Variants in PPARGC1A observed in about 807,000 individuals in gnomAD.
The protein encoded by PPARGC1A is peroxisome proliferator-activated receptor gamma coactivator 1-alpha.
In PPARGC1A, 25 loss-of-function variants were observed where a neutral mutation model predicts 88.7. That is an observed-to-expected ratio of 0.28 (90% CI 0.21 to 0.39). The LOEUF is 0.39. PPARGC1A is among the 10% of genes least tolerant of loss of function. The pLI, the probability that PPARGC1A is intolerant of heterozygous loss-of-function variation, is 1.00. For missense variants in PPARGC1A, 880 were observed against 968.7 expected (o/e 0.91, Z 1.22); for synonymous variants, 363 against 355.6 (o/e 1.02, Z -0.24).
the PPARGC1A span, among the ~76,000 whole-genome samples, chr4:24,413,611 T>TG: frequency 8.5e-5 from 13 of 152,172 alleles, no homozygotes; most frequent in East Asian, 3.9e-4. Context: ...CAGATCCTTG[T>TG]GGGGGGGTAG....
chr4:23,929,754 C>T, the PPARGC1A span, among the ~76,000 whole-genome samples: 1 of 152,228 alleles, frequency 6.6e-6, no homozygotes, highest in Non-Finnish European at 1.5e-5. Flanking sequence ...TGTGTTCAAA[C>T]TTTGCTGCCT....
At chr4:24,150,246 G>C in the PPARGC1A span, among the ~76,000 whole-genome samples, 2 of 152,144 alleles carry the variant, frequency 1.3e-5, no homozygotes, top group Non-Finnish European at 2.9e-5. Context: ...TGAGTAAGAA[G>C]GTCAGTAGAG....
At chr4:24,421,001 A>C in the PPARGC1A span, among the ~76,000 whole-genome samples, 2 of 152,114 alleles carry the variant, frequency 1.3e-5, no homozygotes, top group Non-Finnish European at 2.9e-5. Flanking sequence ...TAAGGTCACT[A>C]ATTCCATTCT....
chr4:23,980,832 C>G, the PPARGC1A span, among the ~76,000 whole-genome samples: 1 of 152,142 alleles, frequency 6.6e-6, no homozygotes, highest in Admixed American at 6.5e-5. Context: ...CACATGGGTG[C>G]AGAACTTAGA....
chr4:24,323,528 C>A, the PPARGC1A span, among the ~76,000 whole-genome samples: 2 of 152,192 alleles, frequency 1.3e-5, no homozygotes, highest in Admixed American at 1.3e-4. Flanking sequence ...CTGCCCCTGC[C>A]CACCAGAGAA....
At chr4:23,908,781 T>G (rs1335957334), upstream of PPARGC1A, among the ~76,000 whole-genome samples, 1 of 152,212 alleles carries the variant, frequency 6.6e-6, no homozygotes, top group Non-Finnish European at 1.5e-5. Flanking sequence ...ATAACTACCT[T>G]AGCTCCATGA....
chr4:24,317,018 A>G, the PPARGC1A span, among the ~76,000 whole-genome samples: 1 of 152,168 alleles, frequency 6.6e-6, no homozygotes, highest in Non-Finnish European at 1.5e-5. Flanking sequence ...GTAACTGAGA[A>G]CTGTTCTAAG....
chr4:24,025,710 A>G, the PPARGC1A span, among the ~76,000 whole-genome samples: 1 of 147,966 alleles, frequency 6.8e-6, no homozygotes, highest in Non-Finnish European at 1.5e-5. Flanking sequence ...CCTCAAGTGC[A>G]ATAGATAGAG....
the PPARGC1A span, among the ~76,000 whole-genome samples, chr4:24,305,668 C>T: frequency 7.9e-5 from 12 of 152,056 alleles, no homozygotes; most frequent in East Asian, 3.9e-4. Context: ...CAAAATTAGC[C>T]GGATGTGGTG....
the PPARGC1A span, among the ~76,000 whole-genome samples, chr4:24,472,897 GGCGTGTGCGCGCGGGGGT>G: frequency 2.7e-5 from 4 of 148,762 alleles, no homozygotes; most frequent in South Asian, 8.5e-4. This position sits in a 1 kb window ranked among gnomAD's most constrained non-coding sequence, Gnocchi z 4.5. Context: ...CGAGCGGGCG[GGCGTGTGCGCGCGGGGGT>G]GCGTGCGTGT....
chr4:24,233,181 A>G, the PPARGC1A span, among the ~76,000 whole-genome samples: 12 of 152,356 alleles, frequency 7.9e-5, no homozygotes, highest in African/African-American at 2.9e-4. Context: ...GCAGATGCAA[A>G]TAAAATGAGA....
intron 2 of PPARGC1A, chr4:23,882,012 T>C (rs969205916): frequency 6.6e-6 from 1 of 152,220 alleles, no homozygotes; most frequent in Non-Finnish European, 1.5e-5. Context: ...AAAACACGCT[T>C]TCCTTTCACA....
At chr4:24,276,601 C>T in the PPARGC1A span, among the ~76,000 whole-genome samples, 1 of 152,144 alleles carries the variant, frequency 6.6e-6, no homozygotes, top group Non-Finnish European at 1.5e-5. Flanking sequence ...GCTCTTTGCC[C>T]CCGAAATTAT....
chr4:23,837,999 G>A (rs1393268734), intron 2 of PPARGC1A, among the ~76,000 whole-genome samples: 1 of 152,118 alleles, frequency 6.6e-6, no homozygotes, highest in Non-Finnish European at 1.5e-5. Context: ...AGAAAACTAA[G>A]TTTTTTTCCT....
At chr4:23,827,484 C>T (rs904164643) in intron 5 of PPARGC1A, among the ~76,000 whole-genome samples, 1 of 152,000 alleles carries the variant, frequency 6.6e-6, no homozygotes, top group Non-Finnish European at 1.5e-5. Flanking sequence ...TGCCTACTTC[C>T]ACCACAAGGT....
chr4:24,394,176 C>T, the PPARGC1A span, among the ~76,000 whole-genome samples: 3 of 152,178 alleles, frequency 2.0e-5, no homozygotes, highest in Non-Finnish European at 4.4e-5. Context: ...AGAATTCTTC[C>T]TCAAGGGATT....
chr4:24,346,143 G>A, the PPARGC1A span, among the ~76,000 whole-genome samples: 1 of 152,122 alleles, frequency 6.6e-6, no homozygotes, highest in South Asian at 2.1e-4. Context: ...CTTGATCATG[G>A]TGGATTATCT....
intron 10 of PPARGC1A, among the ~76,000 whole-genome samples, chr4:23,804,348 T>C (rs1008452284): frequency 2.6e-5 from 4 of 152,210 alleles, no homozygotes; most frequent in Non-Finnish European, 5.9e-5. Context: ...TCAAGTCCTA[T>C]TAATTTTTAT....
the PPARGC1A span, among the ~76,000 whole-genome samples, chr4:23,954,609 T>C: frequency 6.6e-6 from 1 of 152,156 alleles, no homozygotes; most frequent in Admixed American, 6.5e-5. Flanking sequence ...TATAGATGTT[T>C]GATTGATATT....
Sources: gnomAD v4.1 joint callset for allele counts (sites outside exome capture counted in the v4.1 genomes callset) on GRCh38, gnomAD v4.1.1 for gene constraint, Gnocchi (gnomAD v3.1) non-coding constraint, MANE v1.5 for transcripts, NCBI Gene and HGNC (gene_info 2026-07-23, HGNC 2026-07-21) for gene names.